PLXDC2: variants seen among roughly 807,000 people sequenced by gnomAD.
PLXDC2 encodes plexin domain-containing protein 2.
A neutral mutation model predicts 68.9 loss-of-function variants in PLXDC2; 40 were observed. The observed-to-expected ratio is 0.58, with a 90% CI of 0.45 to 0.76. PLXDC2 has a LOEUF of 0.76. Among genes scored for constraint, PLXDC2 ranks in the 30% least tolerant of loss-of-function variants. PLXDC2 has a pLI of 0.00. For synonymous variants in PLXDC2, 243 were observed against 234.2 expected (o/e 1.04, Z -0.34); for missense variants, 644 against 661.9 (o/e 0.97, Z 0.30).
chr10:20,149,101 G>T (rs1043015382), intron 6 of PLXDC2, among the ~76,000 whole-genome samples: 1 of 151,844 alleles, frequency 6.6e-6, no homozygotes, highest in Non-Finnish European at 1.5e-5. Flanking sequence ...TTCAGGTTCA[G>T]GAGTACATGT....
intron 1 of PLXDC2, among the ~76,000 whole-genome samples, chr10:19,833,499 A>G (rs779795802): frequency 2.6e-5 from 4 of 152,258 alleles, no homozygotes; most frequent in Non-Finnish European, 5.9e-5. Flanking sequence ...AGGTGCGTTA[A>G]AAGAACACTC....
chr10:20,228,954 T>C (rs778241179), intron 12 of PLXDC2, among the ~76,000 whole-genome samples: 3 of 152,092 alleles, frequency 2.0e-5, no homozygotes, highest in Non-Finnish European at 4.4e-5. Context: ...AGTCCACCAT[T>C]GTACAATCTC....
At chr10:19,830,211 A>G (rs1026765831) in intron 1 of PLXDC2, among the ~76,000 whole-genome samples, 32 of 150,752 alleles carry the variant, frequency 2.1e-4, no homozygotes, top group African/African-American at 7.9e-4. Flanking sequence ...GGAAATAGAT[A>G]TTTAAGAGAT....
intron 1 of PLXDC2, among the ~76,000 whole-genome samples, chr10:19,831,009 TG>T (rs1163536267): frequency 6.6e-6 from 1 of 151,896 alleles, no homozygotes; most frequent in African/African-American, 2.4e-5. Flanking sequence ...TTTTTTTGTT[TG>T]TTTTTTTGCT....
At chr10:20,088,241 G>A (rs1833228004) in intron 4 of PLXDC2, among the ~76,000 whole-genome samples, 2 of 152,120 alleles carry the variant, frequency 1.3e-5, no homozygotes, top group African/African-American at 2.4e-5. Context: ...CTGTGCCAAT[G>A]CTTATTTTAC....
At chr10:20,128,144 T>C (rs1281142968) in intron 4 of PLXDC2, among the ~76,000 whole-genome samples, 1 of 152,116 alleles carries the variant, frequency 6.6e-6, no homozygotes, top group African/African-American at 2.4e-5. Context: ...GACAGACGCT[T>C]TGCAAACACA....
At chr10:19,917,974 T>C (rs17758427) in intron 1 of PLXDC2, among the ~76,000 whole-genome samples, 7,026 of 152,238 alleles carry the variant, frequency 0.046, 204 homozygotes, top group Middle Eastern at 0.13. Context: ...CCACTGTATT[T>C]CTCCTCGGGT....
chr10:19,821,323 C>T (rs1389243610), intron 1 of PLXDC2, among the ~76,000 whole-genome samples: 1 of 152,170 alleles, frequency 6.6e-6, no homozygotes, highest in Non-Finnish European at 1.5e-5. Flanking sequence ...TCTTCCTTCT[C>T]TAAGTGCGTC....
At chr10:20,265,564 AAAT>A (rs139581862) in intron 13 of PLXDC2, among the ~76,000 whole-genome samples, 116 of 152,320 alleles carry the variant, frequency 7.6e-4, no homozygotes, top group African/African-American at 2.5e-3. Flanking sequence ...TTGAATGTTA[AAAT>A]AATAATAATG....
intron 3 of PLXDC2, among the ~76,000 whole-genome samples, chr10:20,062,965 G>A (rs1836131786): frequency 6.6e-6 from 1 of 151,836 alleles, no homozygotes; most frequent in Admixed American, 6.6e-5. Flanking sequence ...TGAAAATAAT[G>A]TGACTCAATA....
intron 4 of PLXDC2, among the ~76,000 whole-genome samples, chr10:20,113,134 TC>T (rs756065580): frequency 1.1e-4 from 17 of 152,188 alleles, no homozygotes; most frequent in Non-Finnish European, 1.2e-4. Context: ...TCCAGACTTT[TC>T]ACTTCAAAGT....
rs76971472 is a variant in PLXDC2 at position 20,263,595 on chromosome 10, T to C, written c.1474-16108T>C. 5.0e-3 allele frequency among the ~76,000 whole-genome samples: 757 copies of C among 152,142 alleles called. 4 individuals carry two copies. The highest frequency in any genetic ancestry group is 7.7e-3 in the Non-Finnish European group (525 of 67,958). ...AACCTGCAGAATGGAAGAAAATATT[T>C]GCAAACTATGCATCTGACAAATTTA... On this transcript the variant is annotated intron_variant, in intron 13 of 13. Coordinates refer to ENST00000377252, the MANE Select transcript of PLXDC2 (RefSeq NM_032812.9).
At chr10:20,201,906 AG>A (rs1426024264) in intron 9 of PLXDC2, among the ~76,000 whole-genome samples, 5 of 152,262 alleles carry the variant, frequency 3.3e-5, no homozygotes, top group African/African-American at 1.2e-4. Flanking sequence ...AATAAAGACG[AG>A]GTTGAACGTA....
At chr10:20,077,445 T>TA (rs1006329656) in intron 4 of PLXDC2, among the ~76,000 whole-genome samples, 1 of 152,154 alleles carries the variant, frequency 6.6e-6, no homozygotes, top group Non-Finnish European at 1.5e-5. Context: ...GACATAGTCA[T>TA]AAAAAAGTAA....
At chr10:19,916,472 T>C (rs538343839) in intron 1 of PLXDC2, among the ~76,000 whole-genome samples, 12 of 151,856 alleles carry the variant, frequency 7.9e-5, no homozygotes, top group African/African-American at 2.9e-4. Context: ...TTTTTCTTTT[T>C]TCAAAATACA....
intron 2 of PLXDC2, among the ~76,000 whole-genome samples, chr10:20,011,619 A>G (rs1275700517): frequency 6.6e-6 from 1 of 152,204 alleles, no homozygotes; most frequent in Non-Finnish European, 1.5e-5. Context: ...GGGCAATCCC[A>G]TTCCATATCA....
intron 1 of PLXDC2, among the ~76,000 whole-genome samples, chr10:19,822,978 C>T (rs551849142): frequency 4.0e-5 from 6 of 151,878 alleles, no homozygotes; most frequent in South Asian, 2.1e-4. Flanking sequence ...TGCAGTGGCG[C>T]GATCTCAGCT....
At chr10:19,998,300 G>T (rs1001667760) in intron 1 of PLXDC2, among the ~76,000 whole-genome samples, 1 of 152,136 alleles carries the variant, frequency 6.6e-6, no homozygotes, top group Non-Finnish European at 1.5e-5. Flanking sequence ...AGATAACGAA[G>T]CTGTGATTTT....
intron 1 of PLXDC2, among the ~76,000 whole-genome samples, chr10:19,994,748 T>C (rs1834813640): frequency 6.6e-6 from 1 of 151,710 alleles, no homozygotes; most frequent in Admixed American, 6.6e-5. Flanking sequence ...TTATTGATTT[T>C]TTTTTTGTGT....
Sources: allele counts gnomAD v4.1 joint callset (sites outside exome capture counted in the v4.1 genomes callset), GRCh38; gene constraint gnomAD v4.1.1; transcripts MANE v1.5; gene names NCBI Gene and HGNC (gene_info 2026-07-23, HGNC 2026-07-21).